The following ATF7IP variants were observed in gnomAD, a reference collection of about 807,000 sequenced individuals.
The protein encoded by ATF7IP is activating transcription factor 7 interacting protein.
Under a neutral mutation model 106.4 loss-of-function variants are expected in ATF7IP, and 23 were observed. That is an observed-to-expected ratio of 0.22 (90% CI 0.16 to 0.31). The LOEUF (loss-of-function observed/expected upper bound fraction) is 0.31, where lower values mean the gene tolerates loss of function less well. Among genes scored for constraint, ATF7IP ranks in the 10% least tolerant of loss-of-function variants. The probability of loss-of-function intolerance (pLI) is 1.00; values close to 1 mark genes in which losing one functional copy is unlikely to be tolerated. For synonymous variants in ATF7IP, 542 were observed against 539.0 expected (o/e 1.01, Z -0.08); for missense variants, 1,334 against 1,524.3 (o/e 0.88, Z 2.08).
chr12:14,378,976 T>C (rs1938885574), intron 1 of ATF7IP, among the ~76,000 whole-genome samples: 3 of 152,260 alleles, frequency 2.0e-5, no homozygotes, highest in Admixed American at 6.5e-5. Flanking sequence ...TGTGGCTTAG[T>C]TGCTCACTAT....
At chr12:14,393,053 T>G (rs975660577) in intron 1 of ATF7IP, among the ~76,000 whole-genome samples, 1 of 152,340 alleles carries the variant, frequency 6.6e-6, no homozygotes, top group East Asian at 1.9e-4. Flanking sequence ...ATTTTCAGCT[T>G]CTTTTGATGA....
intron 1 of ATF7IP, among the ~76,000 whole-genome samples, chr12:14,396,216 T>A (rs1451123539): frequency 6.6e-6 from 1 of 152,092 alleles, no homozygotes; most frequent in East Asian, 1.9e-4. Flanking sequence ...CTCTCTGCTC[T>A]TTCCCTCCCT....
intron 13 of ATF7IP, among the ~76,000 whole-genome samples, chr12:14,491,117 G>T (rs1263499108): frequency 6.6e-6 from 1 of 152,094 alleles, no homozygotes; most frequent in East Asian, 1.9e-4. Context: ...AAGCACCATT[G>T]AATCTGCTGG....
At chr12:14,474,130 C>A (rs539187700) in intron 10 of ATF7IP, among the ~76,000 whole-genome samples, 2 of 151,656 alleles carry the variant, frequency 1.3e-5, no homozygotes, top group South Asian at 4.2e-4. Context: ...TAGGGTTTTG[C>A]TGAACTGTTT....
intron 1 of ATF7IP, among the ~76,000 whole-genome samples, chr12:14,420,804 A>C (rs962435802): frequency 6.6e-6 from 1 of 152,206 alleles, no homozygotes; most frequent in Non-Finnish European, 1.5e-5. Flanking sequence ...AACAACATTG[A>C]GCCCTAACTG....
chr12:14,407,438 A>G (rs1591805195), intron 1 of ATF7IP, among the ~76,000 whole-genome samples: 2 of 151,058 alleles, frequency 1.3e-5, no homozygotes, highest in South Asian at 2.1e-4. Context: ...GTTATTTCCT[A>G]CTGATCTGTA....
intron 1 of ATF7IP, among the ~76,000 whole-genome samples, chr12:14,369,783 A>G (rs571293058): frequency 3.8e-4 from 52 of 138,108 alleles, no homozygotes; most frequent in African/African-American, 1.7e-3. Flanking sequence ...TTTTTTCCAG[A>G]TATCTAGTTT....
chr12:14,388,640 C>A (rs1387582269), intron 1 of ATF7IP, among the ~76,000 whole-genome samples: 1 of 152,122 alleles, frequency 6.6e-6, no homozygotes, highest in Non-Finnish European at 1.5e-5. Flanking sequence ...AGCCACTGCG[C>A]CCAGCCTTCT....
chr12:14,370,894 CACAG>C (rs1340577001), intron 1 of ATF7IP, among the ~76,000 whole-genome samples: 1 of 151,138 alleles, frequency 6.6e-6, no homozygotes, highest in Non-Finnish European at 1.5e-5. Flanking sequence ...TTTTGTTAAA[CACAG>C]ACAATTTTTT....
intron 13 of ATF7IP, among the ~76,000 whole-genome samples, chr12:14,491,636 C>T (rs1020643309): frequency 6.6e-6 from 1 of 152,216 alleles, no homozygotes; most frequent in Non-Finnish European, 1.5e-5. Context: ...TGATACACCC[C>T]TGAGGTAAGA....
chr12:14,411,031 C>G (rs975970962), intron 1 of ATF7IP, among the ~76,000 whole-genome samples: 5 of 152,162 alleles, frequency 3.3e-5, no homozygotes, highest in Non-Finnish European at 7.4e-5. Context: ...TCATTAGTCA[C>G]AGGGCATTTA....
chr12:14,391,603 G>A (rs1939556939), intron 1 of ATF7IP, among the ~76,000 whole-genome samples: 1 of 152,204 alleles, frequency 6.6e-6, no homozygotes, highest in Non-Finnish European at 1.5e-5. Flanking sequence ...AACAGAGTCA[G>A]GGTGAATCCA....
chr12:14,378,932 A>C (rs1322059154), intron 1 of ATF7IP, among the ~76,000 whole-genome samples: 2 of 152,138 alleles, frequency 1.3e-5, no homozygotes, highest in African/African-American at 4.8e-5. Context: ...AAAAATCTTG[A>C]CTCACATTTA....
intron 6 of ATF7IP, among the ~76,000 whole-genome samples, chr12:14,448,320 C>A (rs2136670456): frequency 6.6e-6 from 1 of 152,228 alleles, no homozygotes; most frequent in Middle Eastern, 3.4e-3. Context: ...AAGAAATTGA[C>A]AATTTTGTTT....
At position 14,487,262 on chromosome 12, in the gene ATF7IP, T is replaced by C. The variant is rs921969729; in HGVS notation, c.3280+6077T>C. Among the ~76,000 whole-genome samples, 6 of 149,872 alleles carry C rather than the reference T, an allele frequency of 4.0e-5. No homozygotes were observed. The South Asian group carries it at 6.2e-4, about 16-fold the overall frequency. On this transcript the variant is annotated intron_variant, in intron 13 of 14. Transcript: ENST00000261168. ...CCCTTAATATCCATCCCCATGCCTGTTCTCTAGGTTTCTGTTTATGTAAAT... is the reference window on the plus strand; with the variant it reads ...CCCTTAATATCCATCCCCATGCCTGCTCTCTAGGTTTCTGTTTATGTAAAT...
intron 13 of ATF7IP, among the ~76,000 whole-genome samples, chr12:14,484,754 C>T (rs1290074339): frequency 1.3e-5 from 2 of 152,210 alleles, no homozygotes; most frequent in African/African-American, 4.8e-5. Flanking sequence ...ATTTGAGCCA[C>T]TTCCTCATGT....
chr12:14,412,783 G>T (rs1455278522), intron 1 of ATF7IP, among the ~76,000 whole-genome samples: 1 of 152,226 alleles, frequency 6.6e-6, no homozygotes, highest in Non-Finnish European at 1.5e-5. Context: ...GGTGGCCGAG[G>T]CAGGTGGATC....
intron 10 of ATF7IP, among the ~76,000 whole-genome samples, chr12:14,468,097 A>C (rs923541084): frequency 6.6e-6 from 1 of 151,432 alleles, no homozygotes; most frequent in African/African-American, 2.4e-5. Flanking sequence ...GGAAACCGCA[A>C]CTCTACTAAA....
chr12:14,466,873 CATA>C (rs1158362416), intron 10 of ATF7IP, among the ~76,000 whole-genome samples: 11 of 152,100 alleles, frequency 7.2e-5, no homozygotes, highest in Admixed American at 7.2e-4. Context: ...TTTGCCTTTA[CATA>C]CTGTAAAGAT....
Sources: allele counts gnomAD v4.1 joint callset (sites outside exome capture counted in the v4.1 genomes callset), GRCh38; gene constraint gnomAD v4.1.1; transcripts MANE v1.5; gene names NCBI Gene and HGNC (gene_info 2026-07-23, HGNC 2026-07-21).